The following SMARCD3 variants were observed in gnomAD, a reference collection of about 807,000 sequenced individuals.
SMARCD3 encodes the protein SWI/SNF related BAF chromatin remodeling complex subunit D3.
Under a neutral mutation model 58.0 loss-of-function variants are expected in SMARCD3, and 14 were observed. The observed-to-expected ratio is 0.24, with a 90% CI of 0.16 to 0.38. The LOEUF (loss-of-function observed/expected upper bound fraction) is 0.38, where lower values mean the gene tolerates loss of function less well. Among genes scored for constraint, SMARCD3 ranks in the 10% least tolerant of loss-of-function variants. SMARCD3 has a pLI of 1.00. For missense variants in SMARCD3, 408 were observed against 636.9 expected (o/e 0.64, Z 3.87); for synonymous variants, 253 against 253.8 (o/e 1.00, Z 0.03).
Position 151,242,753 on chromosome 7 carries a change from C to T in SMARCD3, c.424G>A (p.Asp142Asn). The change falls in exon 4 of 13, where the codon GAC becomes AAC. Residue 142 changes from aspartate to asparagine, a missense_variant. Asp to Asn is a conservative substitution (Grantham distance 23). Transcript: ENST00000262188. This position sits in a 1 kb window ranked among gnomAD's most constrained non-coding sequence, Gnocchi z 4.7. Reference protein sequence around the residue: ...LDQTIMRKRVDIQEALKRPMK... With the variant: ...LDQTIMRKRVNIQEALKRPMK... ...GGCCTCTTCAGAGCCTCCTGGATGT[C>T]CACCCGCTTCCGCATGATGGTTTGA... 1 of 1,614,108 alleles carries T rather than the reference C, an allele frequency of 6.2e-7. No individual in the cohort carries two copies.
In SMARCD3 at chr7:151,241,665, G is replaced by C; in HGVS notation, c.778-12C>G. ...TTGAACTGGGGAGGCTGGGAAAAGGGGACTGTGAAAGTTAGACCAAAGGGA... is the reference window on the plus strand; with the variant it reads ...TTGAACTGGGGAGGCTGGGAAAAGGCGACTGTGAAAGTTAGACCAAAGGGA... On this transcript the variant is annotated splice_polypyrimidine_tract_variant and intron_variant, in intron 7 of 12. Transcript: ENST00000262188. The surrounding 1 kb of genome is among the most constrained non-coding windows in gnomAD (Gnocchi z 5.3). The C allele has an allele frequency of 6.2e-7, 1 of 1,607,178 alleles. No homozygotes were observed. Among genetic ancestry groups the C allele is most frequent in the Non-Finnish European group, 8.5e-7 (1 of 1,176,446 alleles).
Position 151,239,545 on chromosome 7 carries a change from G to T in SMARCD3, c.1297-48C>A, listed in dbSNP as rs1443792865. ...CCCTGAGCCCTGAATCCCCTCACCTGCCCCTGGAGTACAACGTTTACTCTC... is the reference window on the plus strand; with the variant it reads ...CCCTGAGCCCTGAATCCCCTCACCTTCCCCTGGAGTACAACGTTTACTCTC... On this transcript the variant is annotated intron_variant, in intron 11 of 12. Coordinates refer to ENST00000262188, the MANE Select transcript of SMARCD3 (RefSeq NM_001003801.2). This position sits in a 1 kb window ranked among gnomAD's most constrained non-coding sequence, Gnocchi z 7.0. 1.9e-6 allele frequency: 3 copies of T among 1,606,958 alleles called. No individual in the cohort carries two copies. In the African/African-American group the frequency reaches 4.0e-5, roughly 21 times the overall value.
intron 2 of SMARCD3, among the ~76,000 whole-genome samples, chr7:151,273,473 C>T (rs1184692588): frequency 2.0e-5 from 3 of 152,218 alleles, no homozygotes; most frequent in Non-Finnish European, 4.4e-5. Flanking sequence ...TTAGCTGCCT[C>T]CCATCAGCCT....
Position 151,239,500 on chromosome 7 carries a change from G to A in SMARCD3, c.1297-3C>T. The A allele has an allele frequency of 6.2e-7, 1 of 1,612,978 alleles. No individual in the cohort carries two copies. Among genetic ancestry groups the A allele is most frequent in the Non-Finnish European group, 8.5e-7 (1 of 1,179,272 alleles). On this transcript the variant is annotated splice_region_variant and splice_polypyrimidine_tract_variant and intron_variant, in intron 11 of 12. Transcript: ENST00000262188. The surrounding 1 kb of genome is among the most constrained non-coding windows in gnomAD (Gnocchi z 7.0). Reference sequence around the variant, plus strand: ...TTGCCGGCTACATCTGTCATCACCTGGGAGGGAGCGTGGGGTGAGCCCTGA... The same window carrying A: ...TTGCCGGCTACATCTGTCATCACCTAGGAGGGAGCGTGGGGTGAGCCCTGA...
chr7:151,273,283 C>G (rs1795234924), intron 2 of SMARCD3, among the ~76,000 whole-genome samples: 1 of 152,262 alleles, frequency 6.6e-6, no homozygotes, highest in South Asian at 2.1e-4. Context: ...CTTCACAGGC[C>G]TCCTCTGCCC....
chr7:151,267,456 C>T (rs938452792), intron 2 of SMARCD3, among the ~76,000 whole-genome samples: 11 of 152,186 alleles, frequency 7.2e-5, no homozygotes, highest in African/African-American at 2.4e-4. Flanking sequence ...CATTCGTTAT[C>T]GAATGTACTG....
At chr7:151,251,268 T>C (rs905493105), upstream of SMARCD3, among the ~76,000 whole-genome samples, 1 of 151,812 alleles carries the variant, frequency 6.6e-6, no homozygotes, top group Non-Finnish European at 1.5e-5. Flanking sequence ...CTGGGAGACA[T>C]CCTTAAGTGT....
Position 151,248,341 on chromosome 7 carries a change from A to G in SMARCD3, c.78+144T>C. ...TGTTCGGGTGCCAGGGCGCCAGCAC[A>G]GTCCCGCGGCCGGGCCGTGGGCCAT... On this transcript the variant is annotated intron_variant, in intron 1 of 12. Coordinates refer to ENST00000262188, the MANE Select transcript of SMARCD3 (RefSeq NM_001003801.2). This position sits in a 1 kb window ranked among gnomAD's most constrained non-coding sequence, Gnocchi z 6.1. 8.0e-6 allele frequency: 5 copies of G among 625,240 alleles called. No individual in the cohort carries two copies. Among genetic ancestry groups the G allele is most frequent in the Non-Finnish European group, 1.4e-5 (5 of 370,318 alleles). 38.7% of individuals were successfully genotyped at this position (625,240 alleles called of 1,614,324 possible). A position where few individuals can be genotyped will look rare whatever the true frequency, so the allele number is the denominator to read the frequency against.
At position 151,239,828 on chromosome 7, in the gene SMARCD3, G is replaced by T; in HGVS notation, c.1174-82C>A. 1 of 1,396,496 alleles carries T rather than the reference G, an allele frequency of 7.2e-7. No homozygotes were observed. The highest frequency in any genetic ancestry group is 1.0e-6 in the Non-Finnish European group (1 of 992,694). 86.5% of individuals were successfully genotyped at this position (1,396,496 alleles called of 1,614,324 possible). On this transcript the variant is annotated intron_variant, in intron 10 of 12. Transcript: ENST00000262188. The surrounding 1 kb of genome is among the most constrained non-coding windows in gnomAD (Gnocchi z 7.0). Reference sequence around the variant, plus strand: ...GGAAAGGAAGCGGGTGGGAAGGGGAGGGAGAGGGGGTTTCTTCTGTGAAGG... The same window carrying T: ...GGAAAGGAAGCGGGTGGGAAGGGGATGGAGAGGGGGTTTCTTCTGTGAAGG...
chr7:151,271,874 G>T (rs1280956760), intron 2 of SMARCD3, among the ~76,000 whole-genome samples: 1 of 152,144 alleles, frequency 6.6e-6, no homozygotes, highest in African/African-American at 2.4e-5. Flanking sequence ...AAGCAGGATC[G>T]CCTGAGCCCA....
At chr7:151,266,290 C>T (rs776038945) in intron 2 of SMARCD3, among the ~76,000 whole-genome samples, 6 of 151,652 alleles carry the variant, frequency 4.0e-5, no homozygotes, top group Non-Finnish European at 5.9e-5. Flanking sequence ...TTCTACTCTA[C>T]GCAAAACATG....
intron 2 of SMARCD3, among the ~76,000 whole-genome samples, chr7:151,274,547 G>GC (rs1314062197): frequency 1.3e-5 from 2 of 152,242 alleles, no homozygotes; most frequent in East Asian, 3.8e-4. Context: ...GCAGTAGACG[G>GC]CTGCCACCTC....
chr7:151,241,371 G>T lies in SMARCD3; in HGVS notation c.939+121C>A. ...CTCTTGGCTCCAAGACCATGACTGT[G>T]TACTGCTTCTGCTACTCAGGAATCT... On this transcript the variant is annotated intron_variant, in intron 8 of 12. Transcript: ENST00000262188. This position sits in a 1 kb window ranked among gnomAD's most constrained non-coding sequence, Gnocchi z 5.3. The T allele has an allele frequency of 2.3e-6, 2 of 852,604 alleles. No homozygotes were observed. Among genetic ancestry groups the T allele is most frequent in the Non-Finnish European group, 1.9e-6 (1 of 516,604 alleles). The allele number at this position is 852,604 out of a possible 1,614,324, so 52.8% of individuals were successfully genotyped here.
intron 2 of SMARCD3, chr7:151,275,103 G>A (rs2072298): frequency 0.45 from 715,185 of 1,606,424 alleles, 164,899 homozygotes; most frequent in Non-Finnish European, 0.47. Flanking sequence ...GGCAGGGGAG[G>A]AAGCACCTAC....
chr7:151,242,340 C>T lies in SMARCD3; in HGVS notation c.580-108G>A. 7.0e-7 allele frequency: 1 copy of T among 1,427,974 alleles called. No individual in the cohort carries two copies. The highest frequency in any genetic ancestry group is 9.8e-7 in the Non-Finnish European group (1 of 1,017,556). 88.5% of individuals were successfully genotyped at this position (1,427,974 alleles called of 1,614,324 possible). A position where few individuals can be genotyped will look rare whatever the true frequency, so the allele number is the denominator to read the frequency against. The stretch of plus-strand genomic sequence containing the variant: ...GGGCAGTGGGCTTAGATGAAATCCT[C>T]TGCACTTGGAATGTCTCTAGGCCTG... On this transcript the variant is annotated intron_variant, in intron 5 of 12. Transcript: ENST00000262188. The surrounding 1 kb of genome is among the most constrained non-coding windows in gnomAD (Gnocchi z 4.7).
intron 2 of SMARCD3, among the ~76,000 whole-genome samples, chr7:151,254,691 C>T (rs1181039629): frequency 6.6e-6 from 1 of 152,210 alleles, no homozygotes; most frequent in Non-Finnish European, 1.5e-5. Flanking sequence ...CAATTCTCCT[C>T]TCTGTCTTTT....
chr7:151,243,711 T>A lies in SMARCD3; in HGVS notation c.291-10A>T, dbSNP rs745922997. 1 of 1,607,242 alleles carries A rather than the reference T, an allele frequency of 6.2e-7. No individual in the cohort carries two copies. The highest frequency in any genetic ancestry group is 8.5e-7 in the Non-Finnish European group (1 of 1,173,830). On this transcript the variant is annotated splice_polypyrimidine_tract_variant and intron_variant, in intron 2 of 12. Transcript: ENST00000262188. The surrounding 1 kb of genome is among the most constrained non-coding windows in gnomAD (Gnocchi z 4.4). ...CTTCCTCCTCTTGGCACTGTACATT[T>A]TTTAAAGAAAAAACCAGGTTACCAT...
chr7:151,259,393 C>CTGTG (rs758652327), intron 2 of SMARCD3, among the ~76,000 whole-genome samples: 4,264 of 135,942 alleles, frequency 0.031, 90 homozygotes, highest in Middle Eastern at 0.083. Context: ...AAGGTAGGGG[C>CTGTG]TGTGTGTGTG....
chr7:151,239,090 T>C lies in SMARCD3; in HGVS notation c.*13A>G. The C allele has an allele frequency of 6.2e-7, 1 of 1,613,920 alleles. No homozygotes were observed. Among genetic ancestry groups the C allele is most frequent in the Non-Finnish European group, 8.5e-7 (1 of 1,179,812 alleles). On this transcript the variant is annotated 3_prime_UTR_variant, in exon 13 of 13. Transcript: ENST00000262188. This position sits in a 1 kb window ranked among gnomAD's most constrained non-coding sequence, Gnocchi z 7.0. ...CGGCTGAAAGTTCCGTCGTGCTGCT[T>C]ATTTTTGGGCTCCTAGGTGTTGCGC...
Sources: allele counts gnomAD v4.1 joint callset (sites outside exome capture counted in the v4.1 genomes callset), GRCh38; gene constraint gnomAD v4.1.1; non-coding constraint Gnocchi (gnomAD v3.1); transcripts MANE v1.5; gene names NCBI Gene and HGNC (gene_info 2026-07-23, HGNC 2026-07-21).